PCSK5: variants seen among roughly 807,000 people sequenced by gnomAD.
PCSK5 encodes the protein proprotein convertase subtilisin/kexin type 5.
PCSK5 carries 129 observed loss-of-function variants against 233.2 expected under a neutral mutation model. The observed-to-expected ratio is 0.55, with a 90% CI of 0.48 to 0.64. The LOEUF (loss-of-function observed/expected upper bound fraction) is 0.64. Ranked by LOEUF, PCSK5 falls within the 30% of genes least tolerant of loss-of-function variation. The pLI, the probability that PCSK5 is intolerant of heterozygous loss-of-function variation, is 0.00. For synonymous variants in PCSK5, 825 were observed against 879.2 expected, an observed-to-expected ratio of 0.94 and a Z score of 1.09; for missense variants, 2,076 against 2,430.1, an observed-to-expected ratio of 0.85 and a Z score of 3.06.
intron 3 of PCSK5, among the ~76,000 whole-genome samples, chr9:75,998,450 A>G (rs115755561): frequency 0.013 from 1,908 of 152,310 alleles, 34 homozygotes; most frequent in African/African-American, 0.043. Flanking sequence ...CCACTAAATT[A>G]GAATGGGTCT....
At chr9:75,973,722 G>C (rs1825897208) in intron 2 of PCSK5, among the ~76,000 whole-genome samples, 1 of 152,290 alleles carries the variant, frequency 6.6e-6, no homozygotes, top group Admixed American at 6.5e-5. Context: ...AAAGAGTAAA[G>C]CAGGTGCCAG....
At chr9:76,128,305 C>G (rs1009275054) in intron 9 of PCSK5, among the ~76,000 whole-genome samples, 19 of 151,986 alleles carry the variant, frequency 1.3e-4, no homozygotes, top group Admixed American at 1.2e-3. Context: ...GAAAAAGAGG[C>G]CTTAAGGATT....
At chr9:76,174,571 A>G (rs1473711957) in intron 13 of PCSK5, among the ~76,000 whole-genome samples, 1 of 152,040 alleles carries the variant, frequency 6.6e-6, no homozygotes, top group Non-Finnish European at 1.5e-5. Flanking sequence ...CAGCCTCCCA[A>G]GGTGCTGGGA....
chr9:76,345,216 C>CTTTAT (rs1829945196), intron 35 of PCSK5, among the ~76,000 whole-genome samples: 1 of 137,404 alleles, frequency 7.3e-6, no homozygotes, highest in East Asian at 2.2e-4. Context: ...TTTTATTTTA[C>CTTTAT]TTTATTTTAT....
chr9:76,229,931 TC>T (rs1212952804), intron 21 of PCSK5, among the ~76,000 whole-genome samples: 2 of 152,180 alleles, frequency 1.3e-5, no homozygotes, highest in Non-Finnish European at 2.9e-5. Context: ...AAGAAGCTCT[TC>T]CCCTGCAGAG....
intron 13 of PCSK5, among the ~76,000 whole-genome samples, chr9:76,172,640 A>T (rs1823377703): frequency 1.3e-5 from 2 of 152,194 alleles, no homozygotes; most frequent in Non-Finnish European, 2.9e-5. Flanking sequence ...GTGACTAATG[A>T]TTAGGATGAC....
At chr9:76,175,195 GAGAAC>G in intron 14 of PCSK5, 66 bp downstream of exon 14, 1 of 1,379,266 alleles carries the variant, frequency 7.3e-7, no homozygotes. Context: ...CACCACATGG[GAGAAC>G]AGAATGGAAT....
intron 8 of PCSK5, among the ~76,000 whole-genome samples, chr9:76,100,161 A>C (rs1005500324): frequency 6.6e-6 from 1 of 152,218 alleles, no homozygotes; most frequent in Non-Finnish European, 1.5e-5. Flanking sequence ...TTGGATCAGC[A>C]ATGACCTTAT....
chr9:75,890,076 C>T (rs1825503158), upstream of PCSK5, among the ~76,000 whole-genome samples: 1 of 152,200 alleles, frequency 6.6e-6, no homozygotes, highest in South Asian at 2.1e-4. Flanking sequence ...ATTGTACTCT[C>T]CCGTGGCGTT....
intron 34 of PCSK5, among the ~76,000 whole-genome samples, chr9:76,335,615 CTT>C (rs1266399577): frequency 6.6e-6 from 1 of 152,200 alleles, no homozygotes; most frequent in Non-Finnish European, 1.5e-5. Flanking sequence ...GTGTTGTACT[CTT>C]TTAATCTGTT....
Position 76,036,418 on chromosome 9 carries a change from A to G in PCSK5, c.632+9381A>G, listed in dbSNP as rs1366474966. 2.4e-4 allele frequency among the ~76,000 whole-genome samples: 37 copies of G among 152,196 alleles called. 1 individual carries two copies. The highest frequency in any genetic ancestry group is 2.4e-3 in the Admixed American group (37 of 15,272). On this transcript the variant is annotated intron_variant, in intron 5 of 37. Transcript: ENST00000674117. ...CATAAAATCGTTCACCAAAGAAGGC[A>G]GGGGGATAGAGTAAAAAATATTCTG...
intron 9 of PCSK5, among the ~76,000 whole-genome samples, chr9:76,113,637 G>A (rs1005407070): frequency 3.9e-5 from 6 of 152,134 alleles, no homozygotes; most frequent in Admixed American, 1.3e-4. Context: ...TCACTGGGGC[G>A]AGGGGTGCTT....
intron 30 of PCSK5, among the ~76,000 whole-genome samples, chr9:76,312,920 A>T (rs1336718980): frequency 6.6e-6 from 1 of 152,210 alleles, no homozygotes; most frequent in Non-Finnish European, 1.5e-5. Flanking sequence ...AGGGAGGTTT[A>T]CATCAGTCAA....
intron 5 of PCSK5, among the ~76,000 whole-genome samples, chr9:76,031,597 A>G (rs933109738): frequency 6.6e-6 from 1 of 152,070 alleles, no homozygotes. Flanking sequence ...GCTGAGATAG[A>G]AGGATTGCTT....
At chr9:76,252,989 C>T (rs555498386) in intron 24 of PCSK5, among the ~76,000 whole-genome samples, 18 of 152,338 alleles carry the variant, frequency 1.2e-4, no homozygotes, top group South Asian at 8.3e-4. Flanking sequence ...GGCACAAGAA[C>T]GGTGTCAAAC....
At chr9:76,231,002 T>A (rs1333986726) in intron 21 of PCSK5, among the ~76,000 whole-genome samples, 1 of 151,946 alleles carries the variant, frequency 6.6e-6, no homozygotes, top group Non-Finnish European at 1.5e-5. Context: ...TGTAGAAAAA[T>A]TGCCTTCCAT....
At chr9:76,197,612 T>C (rs1415406905) in intron 20 of PCSK5, among the ~76,000 whole-genome samples, 1 of 152,210 alleles carries the variant, frequency 6.6e-6, no homozygotes, top group African/African-American at 2.4e-5. Context: ...CATTCAGCCT[T>C]GCACAGAGAG....
At chr9:76,011,218 C>G (rs563269761) in intron 3 of PCSK5, among the ~76,000 whole-genome samples, 17 of 152,122 alleles carry the variant, frequency 1.1e-4, no homozygotes, top group African/African-American at 3.9e-4. Flanking sequence ...CTCACCAGGT[C>G]GAAGAGGCAA....
At chr9:76,231,817 G>A (rs1254075455) in intron 21 of PCSK5, among the ~76,000 whole-genome samples, 1 of 152,210 alleles carries the variant, frequency 6.6e-6, no homozygotes, top group East Asian at 1.9e-4. Flanking sequence ...ACAGCCAGAT[G>A]TGTGTGAGTG....
Sources: gnomAD v4.1 joint callset for allele counts (sites outside exome capture counted in the v4.1 genomes callset) on GRCh38, gnomAD v4.1.1 for gene constraint, MANE v1.5 for transcripts, NCBI Gene and HGNC (gene_info 2026-07-23, HGNC 2026-07-21) for gene names.